The following CAMKMT variants were observed in gnomAD, a reference collection of about 807,000 sequenced individuals.
CAMKMT encodes the protein CaM KMT.
In CAMKMT, 53 loss-of-function variants were observed where a neutral mutation model predicts 48.0. The ratio of observed to expected loss-of-function variants is 1.10; its 90% CI spans 0.89 to 1.39. CAMKMT has a LOEUF of 1.39. Among genes scored for constraint, CAMKMT ranks in the 40% most tolerant of loss-of-function variants. CAMKMT has a pLI of 0.00. For synonymous variants in CAMKMT, 165 were observed against 152.3 expected (o/e 1.08, Z -0.61); for missense variants, 428 against 402.7 (o/e 1.06, Z -0.54).
intron 3 of CAMKMT, among the ~76,000 whole-genome samples, chr2:44,445,660 T>G (rs1480086696): frequency 3.8e-3 from 37 of 9,646 alleles, no homozygotes; most frequent in African/African-American, 0.012. Flanking sequence ...TTTTTTTTTT[T>G]TTTTTTTTTT....
At chr2:44,677,174 G>A (rs767099320) in intron 3 of CAMKMT, among the ~76,000 whole-genome samples, 3 of 152,154 alleles carry the variant, frequency 2.0e-5, no homozygotes, top group Admixed American at 6.5e-5. Context: ...TTAAAGGACT[G>A]CTATAAAGTC....
Position 44,766,475 on chromosome 2 carries a change from C to G in CAMKMT, c.808C>G (p.Gln270Glu). 6.2e-7 allele frequency: 1 copy of G among 1,614,106 alleles called. No individual in the cohort carries two copies. Reference sequence around the variant, plus strand: ...CCCACGCCGAGGGAATACTTTAAACCAGTTTTGCAATCTAGCTGAAAAAGC... The same window carrying G: ...CCCACGCCGAGGGAATACTTTAAACGAGTTTTGCAATCTAGCTGAAAAAGC... Reference protein sequence around the residue: ...FAPRRGNTLNQFCNLAEKAGF... With the variant: ...FAPRRGNTLNEFCNLAEKAGF... The change falls in exon 10 of 11, where the codon CAG (glutamine) becomes GAG (glutamate). Residue 270 changes from glutamine (Q) to glutamate (E), a missense_variant. By Grantham distance (29) the Gln-to-Glu change is conservative. Transcript: ENST00000378494.
At chr2:44,726,064 C>T (rs145506285) in intron 7 of CAMKMT, among the ~76,000 whole-genome samples, 23,911 of 152,096 alleles carry the variant, frequency 0.16, 2,014 homozygotes, top group South Asian at 0.28. Flanking sequence ...GTTTAGCTCC[C>T]ACTTATAAGT....
chr2:44,410,615 G>A (rs1683139346), intron 3 of CAMKMT, among the ~76,000 whole-genome samples: 1 of 152,022 alleles, frequency 6.6e-6, no homozygotes, highest in African/African-American at 2.4e-5. Flanking sequence ...TCTGATGACT[G>A]TCATTTCACC....
intron 3 of CAMKMT, among the ~76,000 whole-genome samples, chr2:44,477,731 T>G (rs1372713102): frequency 1.3e-5 from 2 of 152,196 alleles, no homozygotes; most frequent in Non-Finnish European, 2.9e-5. Context: ...TAAAGAATAG[T>G]CATTTGAAGA....
chr2:44,490,336 C>T (rs544110886), intron 3 of CAMKMT, among the ~76,000 whole-genome samples: 3 of 152,124 alleles, frequency 2.0e-5, no homozygotes, highest in South Asian at 2.1e-4. Flanking sequence ...AGTGCAATGG[C>T]GCGATCTTGG....
chr2:44,738,373 A>C (rs1021214776), intron 7 of CAMKMT, among the ~76,000 whole-genome samples: 1 of 152,248 alleles, frequency 6.6e-6, no homozygotes, highest in Non-Finnish European at 1.5e-5. Context: ...GTTTTAGACA[A>C]AAAGCTAAAT....
intron 3 of CAMKMT, among the ~76,000 whole-genome samples, chr2:44,532,038 T>G (rs1666511367): frequency 6.6e-6 from 1 of 152,210 alleles, no homozygotes; most frequent in African/African-American, 2.4e-5. Context: ...CTTGTAGTGC[T>G]CTCCTATAGA....
intron 3 of CAMKMT, among the ~76,000 whole-genome samples, chr2:44,438,834 G>A (rs1298347467): frequency 6.6e-6 from 1 of 151,990 alleles, no homozygotes; most frequent in Non-Finnish European, 1.5e-5. Context: ...AGTACCAGGT[G>A]TGCTTTTTGT....
chr2:44,604,374 A>G (rs1294636145), intron 3 of CAMKMT, among the ~76,000 whole-genome samples: 1 of 152,162 alleles, frequency 6.6e-6, no homozygotes, highest in Non-Finnish European at 1.5e-5. Flanking sequence ...TTAATTTCTG[A>G]CCATCCTTTA....
At chr2:44,406,370 T>C (rs1250210552) in intron 3 of CAMKMT, among the ~76,000 whole-genome samples, 1 of 152,188 alleles carries the variant, frequency 6.6e-6, no homozygotes, top group African/African-American at 2.4e-5. Flanking sequence ...TTTGGAGTTA[T>C]AATAAGTTTG....
chr2:44,380,308 T>C (rs1046492891), intron 2 of CAMKMT, among the ~76,000 whole-genome samples: 2 of 152,040 alleles, frequency 1.3e-5, no homozygotes, highest in Non-Finnish European at 2.9e-5. Flanking sequence ...CTTTGAAGTT[T>C]AGGACAAAGA....
At chr2:44,531,044 T>C (rs573458291) in intron 3 of CAMKMT, among the ~76,000 whole-genome samples, 1 of 152,168 alleles carries the variant, frequency 6.6e-6, no homozygotes, top group East Asian at 1.9e-4. Context: ...GAACACAGGC[T>C]GATTTTTTAA....
chr2:44,398,018 AT>A (rs199726329), intron 3 of CAMKMT, among the ~76,000 whole-genome samples: 2 of 152,086 alleles, frequency 1.3e-5, no homozygotes, highest in Admixed American at 6.5e-5. Flanking sequence ...AAGTCTTTTT[AT>A]TTTTCCCCCG....
At chr2:44,748,126 A>T (rs1679994112) in intron 8 of CAMKMT, among the ~76,000 whole-genome samples, 1 of 152,172 alleles carries the variant, frequency 6.6e-6, no homozygotes, top group South Asian at 2.1e-4. Context: ...CAGATGACAT[A>T]CTCTACAAAG....
At chr2:44,449,837 G>C (rs1462061074) in intron 3 of CAMKMT, among the ~76,000 whole-genome samples, 1 of 152,094 alleles carries the variant, frequency 6.6e-6, no homozygotes, top group Admixed American at 6.6e-5. Context: ...GTTAGTACTA[G>C]AAATTTTTTT....
At chr2:44,523,597 G>C (rs557774286) in intron 3 of CAMKMT, among the ~76,000 whole-genome samples, 1 of 151,582 alleles carries the variant, frequency 6.6e-6, no homozygotes, top group Non-Finnish European at 1.5e-5. Flanking sequence ...ACCTGTCCAA[G>C]GGGACCCACT....
At chr2:44,682,074 G>C (rs1018602759) in intron 3 of CAMKMT, among the ~76,000 whole-genome samples, 1 of 152,144 alleles carries the variant, frequency 6.6e-6, no homozygotes, top group Non-Finnish European at 1.5e-5. Flanking sequence ...AGATGGGGTC[G>C]ATGTGCCTTA....
At chr2:44,483,293 A>G (rs1394335803) in intron 3 of CAMKMT, among the ~76,000 whole-genome samples, 2 of 152,206 alleles carry the variant, frequency 1.3e-5, no homozygotes, top group African/African-American at 4.8e-5. Flanking sequence ...CAGAAAAACA[A>G]TGATGAGATC....
Sources: gnomAD v4.1 joint callset for allele counts (sites outside exome capture counted in the v4.1 genomes callset) on GRCh38, gnomAD v4.1.1 for gene constraint, MANE v1.5 for transcripts, NCBI Gene and HGNC (gene_info 2026-07-23, HGNC 2026-07-21) for gene names.